PKP1: variants seen among roughly 807,000 people sequenced by gnomAD.
The protein encoded by PKP1 is plakophilin-1.
PKP1 carries 27 observed loss-of-function variants against 76.4 expected under a neutral mutation model. The ratio of observed to expected loss-of-function variants is 0.35; its 90% confidence interval spans 0.26 to 0.49. The LOEUF (loss-of-function observed/expected upper bound fraction) is 0.49, where lower values mean the gene tolerates loss of function less well. PKP1 is among the 20% of genes least tolerant of loss of function. PKP1 has a pLI of 0.99. For missense variants in PKP1, 964 were observed against 955.2 expected (o/e 1.01, Z -0.12); for synonymous variants, 404 against 384.2 (o/e 1.05, Z -0.60).
chr1:201,305,899 G>C (rs1571548819), intron 2 of PKP1, among the ~76,000 whole-genome samples: 2 of 152,308 alleles, frequency 1.3e-5, no homozygotes, highest in South Asian at 4.1e-4. Flanking sequence ...CAGCCTCTGG[G>C]TTTGAAAGCC....
At chr1:201,320,053 A>C (rs1174417197) in intron 6 of PKP1, 3 of 733,770 alleles carry the variant, frequency 4.1e-6, no homozygotes, top group African/African-American at 1.7e-5. Flanking sequence ...TTCCGTTTTC[A>C]TCTTTTCCTC....
intron 6 of PKP1, 94 bp from the exon 7 acceptor site, chr1:201,320,173 T>C: frequency 1.2e-6 from 1 of 803,804 alleles, no homozygotes; most frequent in Non-Finnish European, 2.1e-6. Flanking sequence ...CTGTTCTCTC[T>C]CCTGCCTGTC....
chr1:201,318,069 C>T (rs1170655675), intron 5 of PKP1, among the ~76,000 whole-genome samples: 1 of 152,102 alleles, frequency 6.6e-6, no homozygotes, highest in Non-Finnish European at 1.5e-5. Context: ...TTCCACAAGC[C>T]CTGGGATTCC....
intron 2 of PKP1, among the ~76,000 whole-genome samples, chr1:201,303,403 C>T (rs1656291395): frequency 6.6e-6 from 1 of 152,194 alleles, no homozygotes; most frequent in South Asian, 2.1e-4. Context: ...GCTGGAACTA[C>T]AGGCATGTGC....
intron 1 of PKP1, among the ~76,000 whole-genome samples, chr1:201,291,338 G>A (rs951528974): frequency 3.3e-5 from 5 of 152,228 alleles, no homozygotes; most frequent in African/African-American, 1.2e-4. Flanking sequence ...GCCTTTACCA[G>A]AGTTCATGCT....
chr1:201,324,681 G>T, intron 10 of PKP1, 100 bp downstream of exon 10: 1 of 1,457,228 alleles, frequency 6.9e-7, no homozygotes, highest in South Asian at 1.2e-5. Context: ...TCCCTGGGAT[G>T]AGCATTCCAA....
chr1:201,322,663 G>A (rs1656981846), intron 8 of PKP1, among the ~76,000 whole-genome samples: 2 of 152,152 alleles, frequency 1.3e-5, no homozygotes, highest in Non-Finnish European at 2.9e-5. Flanking sequence ...GTCTGGAAGA[G>A]GAGGAAGCAT....
intron 2 of PKP1, among the ~76,000 whole-genome samples, chr1:201,300,124 A>G (rs1386557164): frequency 6.6e-6 from 1 of 152,230 alleles, no homozygotes; most frequent in East Asian, 1.9e-4. Flanking sequence ...CACCCCAACA[A>G]GAAGAGGCAA....
At chr1:201,322,562 G>A (rs1360820508) in intron 8 of PKP1, among the ~76,000 whole-genome samples, 1 of 152,188 alleles carries the variant, frequency 6.6e-6, no homozygotes, top group Non-Finnish European at 1.5e-5. Context: ...ACCAGGGATG[G>A]GTTGTCAGGT....
At chr1:201,285,964 G>T (rs1301489029) in intron 1 of PKP1, among the ~76,000 whole-genome samples, 1 of 152,248 alleles carries the variant, frequency 6.6e-6, no homozygotes, top group Non-Finnish European at 1.5e-5. Context: ...CTCTGCGGAG[G>T]TTCCTAAAGG....
In PKP1 at chr1:201,313,266, A is replaced by C. The variant is rs753586154; in HGVS notation, c.407A>C (p.Asn136Thr). The C allele has an allele frequency of 1.9e-6, 3 of 1,604,890 alleles. No individual in the cohort carries two copies. Residue 136 changes from asparagine (N) to threonine (T), a missense_variant, in exon 3 of 14, where the codon AAC becomes ACC. Asn to Thr is a moderately conservative substitution (Grantham distance 65, BLOSUM62 0). Coordinates refer to ENST00000367324, the MANE Select transcript of PKP1 (RefSeq NM_001005337.3). ...CGGCACTACCCCCGGGGCAGCTGTA[A>C]CACCACCGGCGCAGGCAGCGACATC... ...WSRHYPRGSCNTTGAGSDICF... is the reference protein window; with the variant it reads ...WSRHYPRGSCTTTGAGSDICF...
chr1:201,328,654 G>A (rs1657221021), intron 12 of PKP1, 108 bp from the exon 13 acceptor site: 3 of 908,894 alleles, frequency 3.3e-6, no homozygotes, highest in East Asian at 4.8e-5. Flanking sequence ...TGATAAGAGA[G>A]AGGCTGTGTG....
intron 5 of PKP1, 64 bp from the exon 6 acceptor site, chr1:201,318,554 T>A (rs1420972689): frequency 1.4e-6 from 2 of 1,475,062 alleles, no homozygotes; most frequent in Non-Finnish European, 1.9e-6. Flanking sequence ...GCTGGGGCTG[T>A]TACCTCGGTC....
At chr1:201,319,914 C>T (rs376572454) in intron 6 of PKP1, 1 of 1,601,370 alleles carries the variant, frequency 6.2e-7, no homozygotes. Context: ...GGGACCGTTG[C>T]CACATGGAGC....
chr1:201,293,911 C>T (rs1471706139), intron 1 of PKP1, 31 bp from the exon 2 acceptor site: 4 of 1,441,082 alleles, frequency 2.8e-6, no homozygotes, highest in Non-Finnish European at 3.9e-6. Context: ...TCATGGCCAT[C>T]CCTGTCCTAA....
In PKP1 at chr1:201,283,625, C is replaced by T; in HGVS notation, c.-78C>T. On this transcript the variant is annotated 5_prime_UTR_variant, in exon 1 of 14. Transcript: ENST00000367324. The stretch of plus-strand genomic sequence containing the variant: ...TGAGAGCGAGAAGAGCACGCTCCTG[C>T]CCGCCCGCTGCACCGCACCTCGCCT... 1 of 1,306,372 alleles carries T rather than the reference C, an allele frequency of 7.7e-7. No homozygotes were observed. The highest frequency in any genetic ancestry group is 1.9e-5 in the Admixed American group (1 of 52,110). The allele number at this position is 1,306,372 out of a possible 1,614,324, so 80.9% of individuals were successfully genotyped here.
At chr1:201,291,452 T>C (rs1225811112) in intron 1 of PKP1, among the ~76,000 whole-genome samples, 1 of 152,100 alleles carries the variant, frequency 6.6e-6, no homozygotes, top group Non-Finnish European at 1.5e-5. Flanking sequence ...TCTACCTTCA[T>C]ACAGAGAAGA....
intron 2 of PKP1, among the ~76,000 whole-genome samples, chr1:201,305,792 GC>G (rs1239523924): frequency 1.3e-5 from 2 of 152,198 alleles, no homozygotes; most frequent in African/African-American, 4.8e-5. Context: ...CTTCTGAGGT[GC>G]TGGCTCGTCA....
At chr1:201,288,681 G>A (rs1345716459) in intron 1 of PKP1, among the ~76,000 whole-genome samples, 1 of 152,098 alleles carries the variant, frequency 6.6e-6, no homozygotes, top group Non-Finnish European at 1.5e-5. Context: ...GCTGGCGAGA[G>A]CCTTTGACTC....
Sources: allele counts gnomAD v4.1 joint callset (sites outside exome capture counted in the v4.1 genomes callset), GRCh38; gene constraint gnomAD v4.1.1; transcripts MANE v1.5; gene names NCBI Gene and HGNC (gene_info 2026-07-23, HGNC 2026-07-21).